LRRN2: variants seen among roughly 807,000 people sequenced by gnomAD.
The protein encoded by LRRN2 is leucine-rich repeat neuronal protein 2.
LRRN2 carries 10 observed loss-of-function variants against 35.7 expected under a neutral mutation model. That is an observed-to-expected ratio of 0.28 (90% CI 0.17 to 0.47). LRRN2 has a LOEUF of 0.47. Ranked by LOEUF, LRRN2 falls within the 20% of genes least tolerant of loss-of-function variation. LRRN2 has a pLI of 0.99. For missense variants in LRRN2, 731 were observed against 940.3 expected, an observed-to-expected ratio of 0.78 and a Z score of 2.91; for synonymous variants, 391 against 409.6, an observed-to-expected ratio of 0.95 and a Z score of 0.55.
chr1:204,617,733 C>T lies in LRRN2; in HGVS notation c.*118G>A. 5 of 1,175,320 alleles carry T rather than the reference C, an allele frequency of 4.3e-6. No homozygotes were observed. In the South Asian group the frequency reaches 7.0e-5, roughly 16 times the overall value. 72.8% of individuals were successfully genotyped at this position (1,175,320 alleles called of 1,614,324 possible). ...GCCCCATCTGTCTTGGCCCAGCTGC[C>T]AGGCCTCAAGCACGTGGGTCCATGT... is the stretch of plus-strand genomic sequence containing the variant. On this transcript the variant is annotated 3_prime_UTR_variant, in exon 2 of 2. Transcript: ENST00000367177.
chr1:204,663,715 CTGTT>C (rs973702899), intron 1 of LRRN2, among the ~76,000 whole-genome samples: 1 of 152,114 alleles, frequency 6.6e-6, no homozygotes, highest in Non-Finnish European at 1.5e-5. Flanking sequence ...CTTGTTGTGT[CTGTT>C]TGTGTTTCCT....
intron 1 of LRRN2, among the ~76,000 whole-genome samples, chr1:204,649,419 C>T (rs1459265137): frequency 6.6e-6 from 1 of 152,168 alleles, no homozygotes; most frequent in East Asian, 1.9e-4. Context: ...TGGATGTGCA[C>T]ATGAATGAAT....
At chr1:204,678,308 C>T (rs529452179) in intron 1 of LRRN2, among the ~76,000 whole-genome samples, 5 of 152,302 alleles carry the variant, frequency 3.3e-5, no homozygotes, top group African/African-American at 9.6e-5. Flanking sequence ...ACACCCCACA[C>T]TGCCTAGGAC....
rs550578182 is a variant in LRRN2 at position 204,680,973 on chromosome 1, T to A, written c.-227+4347A>T. On this transcript the variant is annotated intron_variant, in intron 1 of 1. Transcript: ENST00000367177. The stretch of plus-strand genomic sequence containing the variant: ...CAGAGAGTCACTTTTTTTTTTTTTT[T>A]AAAGACAGAGTCTTGCTCTGTTGCT... 4.4e-3 allele frequency among the ~76,000 whole-genome samples: 675 copies of A among 151,730 alleles called. 8 individuals carry two copies. Among genetic ancestry groups the A allele is most frequent in the African/African-American group, 0.016 (656 of 41,394 alleles).
chr1:204,670,497 C>T (rs1668684125), intron 1 of LRRN2, among the ~76,000 whole-genome samples: 1 of 152,106 alleles, frequency 6.6e-6, no homozygotes, highest in Non-Finnish European at 1.5e-5. Flanking sequence ...AGAAAAGACA[C>T]CAACTAGGAA....
chr1:204,666,123 C>T lies in LRRN2; in HGVS notation c.-227+19197G>A, dbSNP rs138439820. Among the ~76,000 whole-genome samples, 970 of 152,298 alleles carry T rather than the reference C, an allele frequency of 6.4e-3. 5 individuals are homozygous for T. Among genetic ancestry groups the T allele is most frequent in the Non-Finnish European group, 9.6e-3 (651 of 68,036 alleles). ...GCATATATTAATTTGGAACCAAAAG[C>T]TCTGGGCATTTTAGGCAATAAAATG... On this transcript the variant is annotated intron_variant, in intron 1 of 1. Coordinates refer to ENST00000367177, the MANE Select transcript of LRRN2 (RefSeq NM_201630.2).
rs143635253 is a variant in LRRN2, at chr1:204,625,153, C to T, written c.-226-4935G>A. Among the ~76,000 whole-genome samples the T allele has an allele frequency of 3.0e-3, 458 of 152,326 alleles. 1 individual carries two copies. The highest frequency in any genetic ancestry group is 0.01 in the African/African-American group (430 of 41,556). ...CTTATGTGAAGGAGGAGTGGTGGGG[C>T]GTGAGCCTGGCTCTGCTGTTTGCTG... On this transcript the variant is annotated intron_variant, in intron 1 of 1. Coordinates refer to ENST00000367177, the MANE Select transcript of LRRN2 (RefSeq NM_201630.2).
At chr1:204,660,062 G>A (rs1668438380) in intron 1 of LRRN2, among the ~76,000 whole-genome samples, 1 of 152,242 alleles carries the variant, frequency 6.6e-6, no homozygotes, top group Middle Eastern at 3.2e-3. Flanking sequence ...GTTGATGCCT[G>A]TAAAGGCATC....
intron 1 of LRRN2, among the ~76,000 whole-genome samples, chr1:204,636,173 C>T (rs929028938): frequency 2.0e-5 from 3 of 152,176 alleles, no homozygotes; most frequent in Admixed American, 2.0e-4. Flanking sequence ...TCATAGCTAC[C>T]CTGATCACCA....
At chr1:204,635,191 A>G (rs1226534817) in intron 1 of LRRN2, among the ~76,000 whole-genome samples, 1 of 152,214 alleles carries the variant, frequency 6.6e-6, no homozygotes, top group African/African-American at 2.4e-5. Context: ...CTCAACAAGG[A>G]TCTTATTTGC....
At chr1:204,624,742 C>T (rs1010344333) in intron 1 of LRRN2, among the ~76,000 whole-genome samples, 4 of 134,834 alleles carry the variant, frequency 3.0e-5, no homozygotes, top group Admixed American at 1.7e-4. Flanking sequence ...CTCTCCCTGG[C>T]GGTTCCCCCC....
chr1:204,669,117 G>A (rs1211797894), intron 1 of LRRN2, among the ~76,000 whole-genome samples: 8 of 152,178 alleles, frequency 5.3e-5, no homozygotes, highest in Non-Finnish European at 8.8e-5. Context: ...GAGCCACTGC[G>A]CCTGACTGTA....
intron 1 of LRRN2, among the ~76,000 whole-genome samples, chr1:204,624,629 T>G (rs1667178934): frequency 6.6e-6 from 1 of 152,168 alleles, no homozygotes; most frequent in Non-Finnish European, 1.5e-5. Flanking sequence ...TGTCACTACT[T>G]TCTCCCTTCC....
intron 1 of LRRN2, among the ~76,000 whole-genome samples, chr1:204,668,450 C>T (rs945808787): frequency 1.3e-5 from 2 of 152,130 alleles, no homozygotes; most frequent in Non-Finnish European, 2.9e-5. Flanking sequence ...CAAAGATTAG[C>T]CGGGTGTGGT....
At chr1:204,646,103 C>T (rs1043680923) in intron 1 of LRRN2, among the ~76,000 whole-genome samples, 4 of 151,722 alleles carry the variant, frequency 2.6e-5, no homozygotes, top group Admixed American at 1.3e-4. Context: ...GGAGGGGGAC[C>T]GGAGGAAAAA....
At chr1:204,638,306 C>G (rs1171931125) in intron 1 of LRRN2, among the ~76,000 whole-genome samples, 1 of 151,998 alleles carries the variant, frequency 6.6e-6, no homozygotes, top group African/African-American at 2.4e-5. Flanking sequence ...TTCATTGAAT[C>G]CCCCCGCACC....
intron 1 of LRRN2, among the ~76,000 whole-genome samples, chr1:204,649,413 T>C (rs896479588): frequency 3.9e-4 from 60 of 152,182 alleles, no homozygotes; most frequent in Non-Finnish European, 8.1e-4. Flanking sequence ...AACGAATGGA[T>C]GTGCACATGA....
At chr1:204,682,031 T>C (rs533968176) in intron 1 of LRRN2, among the ~76,000 whole-genome samples, 16 of 152,220 alleles carry the variant, frequency 1.1e-4, no homozygotes, top group Non-Finnish European at 1.8e-4. Flanking sequence ...GGAGTCCTTG[T>C]AGGCTTGAAA....
intron 1 of LRRN2, chr1:204,682,948 T>C (rs999888195): frequency 4.6e-5 from 7 of 152,320 alleles, no homozygotes; most frequent in Admixed American, 4.6e-4. Context: ...CAGATACAAG[T>C]GTGGTCAGCT....
Sources: allele counts gnomAD v4.1 joint callset (sites outside exome capture counted in the v4.1 genomes callset), GRCh38; gene constraint gnomAD v4.1.1; transcripts MANE v1.5; gene names NCBI Gene and HGNC (gene_info 2026-07-23, HGNC 2026-07-21).